SNX29: variants seen among roughly 807,000 people sequenced by gnomAD.
SNX29 encodes the protein sorting nexin 29, also known as sorting nexin-29.
SNX29 carries 78 observed loss-of-function variants against 102.1 expected under a neutral mutation model. The ratio of observed to expected loss-of-function variants is 0.76; its 90% CI spans 0.64 to 0.92. The LOEUF is 0.92. SNX29 is among the 40% of genes least tolerant of loss of function. The probability of loss-of-function intolerance (pLI) is 0.00; values close to 1 mark genes in which losing one functional copy is unlikely to be tolerated. For synonymous variants in SNX29, 580 were observed against 414.5 expected (o/e 1.40, Z -4.85); for missense variants, 1,280 against 1,061.7 (o/e 1.21, Z -2.86).
At chr16:12,420,797 TCA>T (rs1487744507) in intron 18 of SNX29, among the ~76,000 whole-genome samples, 1 of 152,080 alleles carries the variant, frequency 6.6e-6, no homozygotes, top group Non-Finnish European at 1.5e-5. Flanking sequence ...GTCACCAAGC[TCA>T]TGCTTCAGGG....
At chr16:12,375,698 A>G (rs2082846705) in intron 16 of SNX29, 2 of 152,234 alleles carry the variant, frequency 1.3e-5, no homozygotes, top group Non-Finnish European at 2.9e-5. Flanking sequence ...GAGAGAGACC[A>G]ACTAAATGGG....
intron 15 of SNX29, among the ~76,000 whole-genome samples, chr16:12,294,187 G>A (rs937615310): frequency 2.0e-5 from 3 of 152,210 alleles, no homozygotes; most frequent in Non-Finnish European, 2.9e-5. Flanking sequence ...AGATGTCTGC[G>A]TCTATGGCCT....
At chr16:12,541,715 C>A (rs140421220) in intron 20 of SNX29, among the ~76,000 whole-genome samples, 1 of 152,118 alleles carries the variant, frequency 6.6e-6, no homozygotes, top group African/African-American at 2.4e-5. Flanking sequence ...GTTCCTGATT[C>A]CTGTCACCTC....
At chr16:12,199,015 G>A (rs536263849) in intron 13 of SNX29, among the ~76,000 whole-genome samples, 1 of 152,108 alleles carries the variant, frequency 6.6e-6, no homozygotes, top group African/African-American at 2.4e-5. Flanking sequence ...GTGTTCCTTA[G>A]TGTAATCTTA....
In SNX29 at chr16:12,055,367, G is replaced by T. The variant is rs1290540902; in HGVS notation, c.1124+3145G>T. On this transcript the variant is annotated intron_variant, in intron 8 of 20. Coordinates refer to ENST00000566228, the MANE Select transcript of SNX29 (RefSeq NM_032167.5). ...TTGTGTCTCAGCCTCTCGAGTAGCT[G>T]GGATTACAGGTACCTACCACACCCC... is the stretch of plus-strand genomic sequence containing the variant. Among the ~76,000 whole-genome samples, 5 of 151,730 alleles carry T rather than the reference G, an allele frequency of 3.3e-5. No individual in the cohort carries two copies. The East Asian group carries it at 7.7e-4, about 23-fold the overall frequency.
intron 19 of SNX29, among the ~76,000 whole-genome samples, chr16:12,486,288 A>G (rs2088227592): frequency 6.6e-6 from 1 of 152,142 alleles, no homozygotes; most frequent in Non-Finnish European, 1.5e-5. Flanking sequence ...TATCCAGGGT[A>G]ATGTCCCTGT....
chr16:12,547,255 G>T (rs1278702368), intron 20 of SNX29, among the ~76,000 whole-genome samples: 1 of 152,236 alleles, frequency 6.6e-6, no homozygotes, highest in East Asian at 1.9e-4. Context: ...CAGGTGCAAA[G>T]GTCCTGCAGC....
Position 12,041,320 on chromosome 16 carries a change from C to T in SNX29, c.248-1577C>T, listed in dbSNP as rs1201106567. ...AGAGATGGGGTTTCAGCATGTTGGC[C>T]AGGCTGATCTCGAACCCCTGACCTC... On this transcript the variant is annotated intron_variant, in intron 4 of 20. Coordinates refer to ENST00000566228, the MANE Select transcript of SNX29 (RefSeq NM_032167.5). Among the ~76,000 whole-genome samples the T allele has an allele frequency of 1.2e-4, 18 of 152,246 alleles. No homozygotes were observed. In the East Asian group the frequency reaches 2.3e-3, roughly 20 times the overall value.
At chr16:12,374,352 T>A (rs964754912) in intron 16 of SNX29, 22 of 152,362 alleles carry the variant, frequency 1.4e-4, no homozygotes, top group African/African-American at 3.8e-4. Flanking sequence ...CCTCACCAGA[T>A]GCAGTAACCT....
intron 15 of SNX29, among the ~76,000 whole-genome samples, chr16:12,296,248 G>T (rs2079977174): frequency 6.6e-6 from 1 of 152,202 alleles, no homozygotes; most frequent in South Asian, 2.1e-4. Flanking sequence ...TGCTGTGATG[G>T]CATGTATTTT....
intron 20 of SNX29, among the ~76,000 whole-genome samples, chr16:12,555,372 G>T (rs74010786): frequency 2.6e-5 from 4 of 151,954 alleles, no homozygotes; most frequent in Non-Finnish European, 5.9e-5. Context: ...CCCATGAGGC[G>T]CTCCCTGTCT....
rs1409990405 is a variant in SNX29 at position 12,134,531 on chromosome 16, C to A, written c.1595+4773C>A. Among the ~76,000 whole-genome samples, 5 of 152,204 alleles carry A rather than the reference C, an allele frequency of 3.3e-5. No homozygotes were observed. In the East Asian group the frequency reaches 9.6e-4, roughly 29 times the overall value. On this transcript the variant is annotated intron_variant, in intron 13 of 20. Transcript: ENST00000566228. ...CCACGTGGGCCTCTCCGTGGGGCTG[C>A]TCCCAACACAGTAGCTGACTTCCCA...
rs568308461 is a variant in SNX29 at position 12,569,515 on chromosome 16, C to T, written c.*886C>T. The T allele has an allele frequency of 8.6e-5, 20 of 231,798 alleles. No homozygotes were observed. The South Asian group carries it at 2.5e-3, about 29-fold the overall frequency. 14.4% of individuals were successfully genotyped at this position (231,798 alleles called of 1,614,324 possible). The stretch of plus-strand genomic sequence containing the variant: ...GTTCCAGGGTTTTCAAACCAGGCTC[C>T]ATGACTATGAAGTTGGACCCAGTGT... On this transcript the variant is annotated 3_prime_UTR_variant, in exon 21 of 21. Transcript: ENST00000566228.
chr16:12,176,856 T>C (rs764264433), intron 13 of SNX29, among the ~76,000 whole-genome samples: 6 of 152,208 alleles, frequency 3.9e-5, no homozygotes, highest in Non-Finnish European at 8.8e-5. Flanking sequence ...AACCTGGGGA[T>C]ACACATTTTA....
In SNX29 at chr16:12,005,138, G is replaced by T. The variant is rs553973446; in HGVS notation, c.122+2095G>T. On this transcript the variant is annotated intron_variant, in intron 3 of 20. Transcript: ENST00000566228. The stretch of plus-strand genomic sequence containing the variant: ...TTTTAAAATTTTACTTCTCAGTGTT[G>T]TACACAAGCACTTTGTGCCTGTCGT... Among the ~76,000 whole-genome samples, 111 of 152,310 alleles carry T rather than the reference G, an allele frequency of 7.3e-4. 1 individual carries two copies. Among genetic ancestry groups the T allele is most frequent in the Non-Finnish European group, 1.4e-3 (97 of 68,018 alleles).
chr16:12,358,614 A>T (rs188174888), intron 16 of SNX29, among the ~76,000 whole-genome samples: 4 of 152,306 alleles, frequency 2.6e-5, no homozygotes, highest in Admixed American at 2.6e-4. Flanking sequence ...GTCTGATTGT[A>T]GGTCACAAGA....
chr16:12,059,676 T>G (rs1186790142), intron 8 of SNX29, among the ~76,000 whole-genome samples: 5 of 152,056 alleles, frequency 3.3e-5, no homozygotes, highest in Admixed American at 3.3e-4. Flanking sequence ...CAGTGAACAG[T>G]TGTTACATTT....
At chr16:12,430,487 C>T (rs1322751132) in intron 18 of SNX29, among the ~76,000 whole-genome samples, 1 of 152,214 alleles carries the variant, frequency 6.6e-6, no homozygotes, top group Non-Finnish European at 1.5e-5. Context: ...GTTTGCATCC[C>T]AGCTCTGCCC....
intron 18 of SNX29, among the ~76,000 whole-genome samples, chr16:12,407,793 G>A (rs554209691): frequency 2.6e-5 from 4 of 152,296 alleles, no homozygotes; most frequent in Admixed American, 6.5e-5. Flanking sequence ...CTGTGTTACT[G>A]AAGGAGGGCT....
Sources: allele counts gnomAD v4.1 joint callset (sites outside exome capture counted in the v4.1 genomes callset), GRCh38; gene constraint gnomAD v4.1.1; transcripts MANE v1.5; gene names NCBI Gene and HGNC (gene_info 2026-07-23, HGNC 2026-07-21).